The following MROH2A variants were observed in gnomAD, a reference collection of about 807,000 sequenced individuals.
The protein encoded by MROH2A is maestro heat like repeat family member 2A, also known as maestro heat-like repeat-containing protein family member 2A.
In MROH2A, 174 loss-of-function variants were observed where a neutral mutation model predicts 200.4. The ratio of observed to expected loss-of-function variants is 0.87; its 90% CI spans 0.77 to 0.98. The LOEUF (loss-of-function observed/expected upper bound fraction) is 0.98, where lower values mean the gene tolerates loss of function less well. MROH2A is among the 50% of genes least tolerant of loss of function. MROH2A has a pLI of 0.00. For synonymous variants in MROH2A, 829 were observed against 840.4 expected (o/e 0.99, Z 0.23); for missense variants, 2,045 against 2,139.6 (o/e 0.96, Z 0.87).
intron 22 of MROH2A, among the ~76,000 whole-genome samples, chr2:233,810,052 G>A (rs574909200): frequency 1.3e-5 from 2 of 152,060 alleles, no homozygotes; most frequent in Non-Finnish European, 2.9e-5. Flanking sequence ...TGTTCTCAAG[G>A]TTCATCCATG....
chr2:233,782,216 T>C (rs1700984971), intron 3 of MROH2A, among the ~76,000 whole-genome samples: 1 of 152,118 alleles, frequency 6.6e-6, no homozygotes, highest in Non-Finnish European at 1.5e-5. Context: ...AGTCTTATGG[T>C]TCCATGTAAA....
rs1329528070 is a variant in MROH2A at position 233,819,483 on chromosome 2, G to A, written c.3357+14G>A. The A allele has an allele frequency of 3.0e-5, 46 of 1,548,670 alleles. No homozygotes were observed. The East Asian group carries it at 5.9e-4, about 20-fold the overall frequency. On this transcript the variant is annotated intron_variant, in intron 30 of 41. Coordinates refer to ENST00000389758, the MANE Select transcript of MROH2A (RefSeq NM_001394639.1). The stretch of plus-strand genomic sequence containing the variant: ...CTGGAGGACAAGGTGGCAGAGCCGC[G>A]GCAGGGCCACCAGAGAGAGGGGCTG...
At chr2:233,832,308 G>A (rs773488093) in intron 40 of MROH2A, 29 bp downstream of exon 40, 63 of 1,542,180 alleles carry the variant, frequency 4.1e-5, no homozygotes, top group Non-Finnish European at 5.2e-5. Flanking sequence ...CCTGACTCAA[G>A]ATAGACTTTG....
chr2:233,780,970 T>G (rs1262720747), intron 3 of MROH2A, among the ~76,000 whole-genome samples: 1 of 152,240 alleles, frequency 6.6e-6, no homozygotes, highest in East Asian at 1.9e-4. Context: ...CTCCCATATA[T>G]GAGTGAGAAC....
rs371947910 is a variant in MROH2A at position 233,822,980 on chromosome 2, C to T, written c.3966C>T (p.Asp1322=). ...AGGCAGTGTGGGACCTCCTGCAGGA[C>T]GGCGGGACATTCCTGGAGGGTGTGA... ...DEQAVWDLLQ[D]GGTFLEGVSL... is the part of the protein sequence containing the mutation. The change falls in exon 34 of 42, where the codon GAC becomes GAT. Residue 1322 remains aspartate, a synonymous_variant. Coordinates refer to ENST00000389758, the MANE Select transcript of MROH2A (RefSeq NM_001394639.1). 794 of 1,548,732 alleles carry T rather than the reference C, an allele frequency of 5.1e-4. 4 individuals carry two copies. The East Asian group carries it at 6.6e-3, about 13-fold the overall frequency.
At position 233,828,639 on chromosome 2, in the gene MROH2A, G is replaced by A. The variant is rs1178212055; in HGVS notation, c.4123G>A (p.Gly1375Ser). 7 of 1,550,674 alleles carry A rather than the reference G, an allele frequency of 4.5e-6. No homozygotes were observed. The highest frequency in any genetic ancestry group is 2.4e-5 in the East Asian group (1 of 40,932). ...ISSTAVCFMS[G>S]PVLYQEKLLK... ...ATGTCCTCCCTTCCAGTTCATGAGC[G>A]GCCCAGTTCTGTACCAGGAGAAGCT... is the stretch of plus-strand genomic sequence containing the variant. The change falls in exon 36 of 42, where the codon GGC becomes AGC. Residue 1375 changes from glycine (G) to serine (S), a missense_variant. Coordinates refer to ENST00000389758, the MANE Select transcript of MROH2A (RefSeq NM_001394639.1). The surrounding 1 kb of genome is among the most constrained non-coding windows in gnomAD (Gnocchi z 4.6).
intron 40 of MROH2A, 69 bp downstream of exon 40, chr2:233,832,348 G>A: frequency 4.4e-6 from 6 of 1,359,620 alleles, no homozygotes; most frequent in Non-Finnish European, 6.1e-6. Flanking sequence ...CGGCACTCGG[G>A]GGAAGGGTGG....
At chr2:233,793,904 G>A (rs1701945379) in intron 7 of MROH2A, 80 bp downstream of exon 7, 1 of 1,291,148 alleles carries the variant, frequency 7.7e-7, no homozygotes, top group Non-Finnish European at 1.0e-6. Flanking sequence ...AGGTGCTGAG[G>A]GACCGTCGGG....
chr2:233,807,316 G>A lies in MROH2A; in HGVS notation c.2053-107G>A. On this transcript the variant is annotated intron_variant, in intron 19 of 41. Coordinates refer to ENST00000389758, the MANE Select transcript of MROH2A (RefSeq NM_001394639.1). The surrounding 1 kb of genome is among the most constrained non-coding windows in gnomAD (Gnocchi z 4.3). Reference sequence around the variant, plus strand: ...GTAAACGTGTGTGCAAGTATCTTCTGCACATTAAAATAAATTGAAAAATAC... The same window carrying A: ...GTAAACGTGTGTGCAAGTATCTTCTACACATTAAAATAAATTGAAAAATAC... The A allele has an allele frequency of 1.6e-6, 2 of 1,243,206 alleles. No homozygotes were observed. Among genetic ancestry groups the A allele is most frequent in the Non-Finnish European group, 2.2e-6 (2 of 920,036 alleles). 77.0% of individuals were successfully genotyped at this position (1,243,206 alleles called of 1,614,324 possible). A position where few individuals can be genotyped will look rare whatever the true frequency, so the allele number is the denominator to read the frequency against.
At chr2:233,809,092 C>T (rs2126142332) in intron 21 of MROH2A, 34 bp from the exon 22 acceptor site, 2 of 1,532,542 alleles carry the variant, frequency 1.3e-6, no homozygotes, top group Non-Finnish European at 1.8e-6. Context: ...GCCCCTGCTG[C>T]CCCCAGTGGT....
chr2:233,796,421 CT>C (rs1391766462), intron 11 of MROH2A, 108 bp downstream of exon 11: 3 of 715,054 alleles, frequency 4.2e-6, no homozygotes, highest in African/African-American at 1.8e-5. Context: ...TTCCTAGACA[CT>C]ACTGGGTGGG....
intron 5 of MROH2A, 77 bp downstream of exon 5, chr2:233,790,091 C>T: frequency 2.3e-6 from 3 of 1,278,710 alleles, no homozygotes; most frequent in Non-Finnish European, 3.2e-6. Flanking sequence ...CCCATCTATC[C>T]CTATGTTCAC....
chr2:233,779,426 TG>T lies in MROH2A; in HGVS notation c.72del (p.Pro25LeufsTer14). On this transcript the variant is annotated frameshift_variant, in exon 2 of 42. Coordinates refer to ENST00000389758, the MANE Select transcript of MROH2A (RefSeq NM_001394639.1). LOFTEE classifies it high-confidence loss of function. ...SEEVSEERDD[L>X]GPLELHDSGT... ...GAGGTGTCAGAGGAAAGAGACGACCTGGGGCCTCTTGAATTACATGACAGTG... is the reference window on the plus strand; with the variant it reads ...GAGGTGTCAGAGGAAAGAGACGACCTGGGCCTCTTGAATTACATGACAGTG... 1 of 1,549,646 alleles carries T rather than the reference TG, an allele frequency of 6.5e-7. No homozygotes were observed. Among genetic ancestry groups the T allele is most frequent in the East Asian group, 2.4e-5 (1 of 40,924 alleles).
chr2:233,784,090 G>T (rs1217305235), intron 3 of MROH2A, among the ~76,000 whole-genome samples: 1 of 151,860 alleles, frequency 6.6e-6, no homozygotes, highest in African/African-American at 2.4e-5. Context: ...TTTGGGTTGG[G>T]TATATTCTTG....
At chr2:233,787,761 C>T (rs59635487) in intron 3 of MROH2A, among the ~76,000 whole-genome samples, 1 of 27,222 alleles carries the variant, frequency 3.7e-5, no homozygotes, top group African/African-American at 1.6e-4. Context: ...TTATATATAT[C>T]ATATATACAT....
Position 233,832,600 on chromosome 2 carries a change from C to T in MROH2A, c.4859C>T (p.Ser1620Phe). The change falls in exon 41 of 42, where the codon TCT becomes TTT. Residue 1620 changes from serine (S) to phenylalanine (F), a missense_variant. Ser to Phe is a radical substitution (Grantham distance 155, BLOSUM62 -2). Transcript: ENST00000389758. The stretch of plus-strand genomic sequence containing the variant: ...TTAGGAATTATTATGAAGCAGATGT[C>T]TACACATTATCTGAAAAAGCTGGAC... ...NLAGIIMKQM[S>F]THYLKKLDFP... is the part of the protein sequence containing the mutation. The T allele has an allele frequency of 6.5e-7, 1 of 1,549,664 alleles. No individual in the cohort carries two copies. The highest frequency in any genetic ancestry group is 8.7e-7 in the Non-Finnish European group (1 of 1,146,156).
At position 233,804,116 on chromosome 2, in the gene MROH2A, C is replaced by G; in HGVS notation, c.1815C>G (p.Thr605=). ...TAGCCATGCTCAACCTCTTGAGGAC[C>G]CTGAGCCAGAGCATCGCACCCTCCA... The part of the protein sequence containing the change: ...RGIAMLNLLR[T]LSQSIAPSMA... The change falls in exon 17 of 42, where the codon ACC becomes ACG. Residue 605 remains threonine (T), a synonymous_variant. Coordinates refer to ENST00000389758, the MANE Select transcript of MROH2A (RefSeq NM_001394639.1). 6.4e-7 allele frequency: 1 copy of G among 1,550,488 alleles called. No homozygotes were observed. The highest frequency in any genetic ancestry group is 1.4e-5 in the African/African-American group (1 of 73,110).
chr2:233,810,678 T>A, intron 22 of MROH2A, 116 bp from the exon 23 acceptor site: 1 of 1,334,516 alleles, frequency 7.5e-7, no homozygotes, highest in Admixed American at 2.5e-5. Flanking sequence ...CTCAGAGCAT[T>A]CAACATTAAA....
At chr2:233,794,563 C>A in intron 8 of MROH2A, 57 bp downstream of exon 8, 1 of 955,920 alleles carries the variant, frequency 1.0e-6, no homozygotes, top group Non-Finnish European at 1.6e-6. Context: ...TGGGGGCTCC[C>A]AAGTGTTTAA....
Sources: gnomAD v4.1 joint callset for allele counts (sites outside exome capture counted in the v4.1 genomes callset) on GRCh38, gnomAD v4.1.1 for gene constraint, Gnocchi (gnomAD v3.1) non-coding constraint, MANE v1.5 for transcripts, NCBI Gene and HGNC (gene_info 2026-07-23, HGNC 2026-07-21) for gene names.